Variants in ARHGEF11 observed in about 807,000 individuals in gnomAD.
ARHGEF11 encodes the protein Rho guanine nucleotide exchange factor 11, also known as Rho guanine exchange factor (GEF) 11.
ARHGEF11 carries 55 observed loss-of-function variants against 193.7 expected under a neutral mutation model. That is an observed-to-expected ratio of 0.28 (90% CI 0.23 to 0.36). ARHGEF11 has a LOEUF of 0.36. ARHGEF11 is among the 10% of genes least tolerant of loss of function. ARHGEF11 has a pLI of 1.00. For missense variants in ARHGEF11, 1,723 were observed against 2,005.6 expected (o/e 0.86, Z 2.69); for synonymous variants, 693 against 768.0 (o/e 0.90, Z 1.62).
chr1:156,976,802 T>C (rs985846913), intron 7 of ARHGEF11, among the ~76,000 whole-genome samples, 181 bp downstream of exon 7: 3 of 152,254 alleles, frequency 2.0e-5, no homozygotes, highest in Non-Finnish European at 4.4e-5. Context: ...TTGGTGAAAT[T>C]CTGCTTTAAC....
At chr1:156,940,885 T>C (rs748590945) in intron 35 of ARHGEF11, among the ~76,000 whole-genome samples, 1 of 152,168 alleles carries the variant, frequency 6.6e-6, no homozygotes, top group South Asian at 2.1e-4. Flanking sequence ...AAACCCGAGA[T>C]TTCTCCTGAA....
Position 156,948,728 on chromosome 1 carries a change from G to C in ARHGEF11, c.1926-230C>G. On this transcript the variant is annotated intron_variant, in intron 22 of 40. Coordinates refer to ENST00000368194, the MANE Select transcript of ARHGEF11 (RefSeq NM_198236.3). This position sits in a 1 kb window ranked among gnomAD's most constrained non-coding sequence, Gnocchi z 4.2. ...CCCAGCCTAGCCTGATGGATGGACAGTCATCTTCCTCTGGAGCTATTAGGA... is the reference window on the plus strand; with the variant it reads ...CCCAGCCTAGCCTGATGGATGGACACTCATCTTCCTCTGGAGCTATTAGGA... 1 of 1,492,992 alleles carries C rather than the reference G, an allele frequency of 6.7e-7. No homozygotes were observed. The highest frequency in any genetic ancestry group is 8.9e-7 in the Non-Finnish European group (1 of 1,122,566). The allele number at this position is 1,492,992 out of a possible 1,614,324, so 92.5% of individuals were successfully genotyped here.
chr1:156,949,160 C>G, intron 22 of ARHGEF11: 2 of 975,802 alleles, frequency 2.0e-6, no homozygotes, highest in Non-Finnish European at 2.4e-6. Flanking sequence ...CAAGAGCAGA[C>G]AGGCTTGTGC....
chr1:157,003,408 G>C (rs937523554), intron 1 of ARHGEF11, among the ~76,000 whole-genome samples: 4 of 152,216 alleles, frequency 2.6e-5, no homozygotes, highest in African/African-American at 9.7e-5. Flanking sequence ...GGCTGCTTGA[G>C]TCTATACTAT....
In ARHGEF11 at chr1:157,044,969, C is replaced by T. The variant is rs1470516560; in HGVS notation, c.-639G>A. On this transcript the variant is annotated 5_prime_UTR_variant, in exon 1 of 41. In the 5' UTR this introduces an upstream ATG that the reference lacks. Coordinates refer to ENST00000368194, the MANE Select transcript of ARHGEF11 (RefSeq NM_198236.3). Reference sequence around the variant, plus strand: ...ATACAATAGTATGTACACAACAGCACTCCTTCCAAGTCCAGTGCAACCCTG... The same window carrying T: ...ATACAATAGTATGTACACAACAGCATTCCTTCCAAGTCCAGTGCAACCCTG... The T allele has an allele frequency of 6.6e-6, 1 of 152,390 alleles. No individual in the cohort carries two copies. The highest frequency in any genetic ancestry group is 1.5e-5 in the Non-Finnish European group (1 of 68,640). The allele number at this position is 152,390 out of a possible 1,614,324, so 9.4% of individuals were successfully genotyped here.
At chr1:156,994,630 G>C (rs1666231893) in intron 1 of ARHGEF11, among the ~76,000 whole-genome samples, 1 of 152,148 alleles carries the variant, frequency 6.6e-6, no homozygotes, top group Non-Finnish European at 1.5e-5. Flanking sequence ...TGTGGAGAAG[G>C]GAGGCAGAGA....
intron 1 of ARHGEF11, among the ~76,000 whole-genome samples, chr1:157,036,363 C>A (rs1288560843): frequency 1.3e-5 from 2 of 151,644 alleles, no homozygotes; most frequent in Non-Finnish European, 2.9e-5. Context: ...GCTCTGTCAC[C>A]CAGGCTGGAG....
intron 1 of ARHGEF11, among the ~76,000 whole-genome samples, chr1:157,007,899 GTTTTTTTTTTTTTGT>G (rs1240883254): frequency 3.4e-4 from 44 of 128,974 alleles, no homozygotes; most frequent in Admixed American, 3.2e-4. Context: ...GAAGGCAAAG[GTTTTTTTTTTTTTGT>G]TTTTTTTTTT....
At chr1:156,993,197 A>G (rs1427957282) in intron 1 of ARHGEF11, among the ~76,000 whole-genome samples, 1 of 152,204 alleles carries the variant, frequency 6.6e-6, no homozygotes, top group Non-Finnish European at 1.5e-5. Context: ...ATGTGCATAG[A>G]GTTGGTGTGA....
chr1:157,017,509 C>T lies in ARHGEF11; in HGVS notation c.32+26790G>A, dbSNP rs563702887. Among the ~76,000 whole-genome samples the T allele has an allele frequency of 8.5e-5, 13 of 152,058 alleles. No homozygotes were observed. In the South Asian group the frequency reaches 1.5e-3, roughly 17 times the overall value. On this transcript the variant is annotated intron_variant, in intron 1 of 40. Transcript: ENST00000368194. ...GATCACGAGGTCAGGAGATCGAGATCATCCTGGCTAACATGGTGAAACCTT... is the reference window on the plus strand; with the variant it reads ...GATCACGAGGTCAGGAGATCGAGATTATCCTGGCTAACATGGTGAAACCTT...
At chr1:156,947,648 C>T in intron 25 of ARHGEF11, 121 bp downstream of exon 25, 1 of 1,392,290 alleles carries the variant, frequency 7.2e-7, no homozygotes, top group South Asian at 1.4e-5. Flanking sequence ...CAATGTGGAC[C>T]TGCTCCAGCA....
At chr1:156,953,303 G>A (rs749749748) in intron 21 of ARHGEF11, among the ~76,000 whole-genome samples, 4 of 152,198 alleles carry the variant, frequency 2.6e-5, no homozygotes, top group Non-Finnish European at 4.4e-5. Flanking sequence ...GCCAGGTGTG[G>A]TGATATATGT....
At chr1:156,989,284 G>A (rs895048940) in intron 1 of ARHGEF11, among the ~76,000 whole-genome samples, 12 of 151,472 alleles carry the variant, frequency 7.9e-5, no homozygotes, top group Non-Finnish European at 1.6e-4. Context: ...TCCCAGACTC[G>A]CTCCTTTCTT....
At chr1:157,031,489 C>A (rs1671299970) in intron 1 of ARHGEF11, among the ~76,000 whole-genome samples, 1 of 152,184 alleles carries the variant, frequency 6.6e-6, no homozygotes, top group African/African-American at 2.4e-5. Flanking sequence ...CCCTATGGCA[C>A]AAGAATTGCC....
chr1:157,018,931 C>T (rs822574), intron 1 of ARHGEF11, among the ~76,000 whole-genome samples: 148,315 of 152,288 alleles, frequency 0.97, 72,340 homozygotes, highest in Middle Eastern at 1. Context: ...ATGCAAAAAA[C>T]AGTAATAAAT....
At chr1:156,951,105 T>G (rs1659025487) in intron 22 of ARHGEF11, among the ~76,000 whole-genome samples, 2 of 152,220 alleles carry the variant, frequency 1.3e-5, no homozygotes, top group African/African-American at 2.4e-5. Context: ...AGTTACATCA[T>G]TTGTCTTTAA....
At chr1:156,975,918 T>C (rs1663188414) in intron 7 of ARHGEF11, among the ~76,000 whole-genome samples, 1 of 152,218 alleles carries the variant, frequency 6.6e-6, no homozygotes, top group Non-Finnish European at 1.5e-5. Context: ...ATTCCATTCA[T>C]CTACAGGTCT....
rs114103982 is a variant in ARHGEF11 at position 157,019,605 on chromosome 1, T to C, written c.32+24694A>G. ...TGAATGTTCACAGCAGCTTTATTTG[T>C]AGCAGCCCAGATGTCCATGAACAGG... On this transcript the variant is annotated intron_variant, in intron 1 of 40. Coordinates refer to ENST00000368194, the MANE Select transcript of ARHGEF11 (RefSeq NM_198236.3). Among the ~76,000 whole-genome samples, 571 of 152,346 alleles carry C rather than the reference T, an allele frequency of 3.7e-3. 5 individuals carry two copies. Among genetic ancestry groups the C allele is most frequent in the African/African-American group, 0.013 (542 of 41,580 alleles).
chr1:156,967,506 G>A (rs1216805799), intron 11 of ARHGEF11, among the ~76,000 whole-genome samples: 1 of 152,122 alleles, frequency 6.6e-6, no homozygotes, highest in East Asian at 1.9e-4. Flanking sequence ...AGAACCTTAG[G>A]GCTCCATGGA....
Sources: allele counts gnomAD v4.1 joint callset (sites outside exome capture counted in the v4.1 genomes callset), GRCh38; gene constraint gnomAD v4.1.1; non-coding constraint Gnocchi (gnomAD v3.1); transcripts MANE v1.5; gene names NCBI Gene and HGNC (gene_info 2026-07-23, HGNC 2026-07-21).